The following ZDHHC7 variants were observed in gnomAD, a reference collection of about 807,000 sequenced individuals.
The protein encoded by ZDHHC7 is palmitoyltransferase ZDHHC7.
In ZDHHC7, 12 loss-of-function variants were observed where a neutral mutation model predicts 34.1. That is an observed-to-expected ratio of 0.35 (90% CI 0.23 to 0.57). The LOEUF is 0.57. Ranked by LOEUF, ZDHHC7 falls within the 20% of genes least tolerant of loss-of-function variation. ZDHHC7 has a pLI of 0.84. For missense variants in ZDHHC7, 388 were observed against 402.7 expected, an observed-to-expected ratio of 0.96 and a Z score of 0.31; for synonymous variants, 185 against 155.4, an observed-to-expected ratio of 1.19 and a Z score of -1.42.
chr16:85,019,783 G>A, the ZDHHC7 span, among the ~76,000 whole-genome samples: 1 of 152,186 alleles, frequency 6.6e-6, no homozygotes. Context: ...GAATGAATGA[G>A]TGAACTCACT....
the ZDHHC7 span, among the ~76,000 whole-genome samples, chr16:85,023,284 C>T: frequency 1.3e-5 from 2 of 151,530 alleles, no homozygotes; most frequent in South Asian, 2.1e-4. Flanking sequence ...CTCCTGCCTC[C>T]ACCTCCGGAG....
chr16:84,995,599 C>G (rs1166492873), intron 2 of ZDHHC7, among the ~76,000 whole-genome samples: 1 of 152,132 alleles, frequency 6.6e-6, no homozygotes, highest in Non-Finnish European at 1.5e-5. Context: ...GCACTCTAGC[C>G]TAGGCAACAG....
At position 84,976,794 on chromosome 16, in the gene ZDHHC7, A is replaced by G. The variant is rs137886256; in HGVS notation, c.751-275T>C. On this transcript the variant is annotated intron_variant, in intron 7 of 7. Coordinates refer to ENST00000313732, the MANE Select transcript of ZDHHC7 (RefSeq NM_017740.3). Reference sequence around the variant, plus strand: ...AGTTACTGTGTACAGACATTTACTGAGCGCCACTCCAGGCCTGCAGAGCCA... The same window carrying G: ...AGTTACTGTGTACAGACATTTACTGGGCGCCACTCCAGGCCTGCAGAGCCA... Among the ~76,000 whole-genome samples, 3 of 152,342 alleles carry G rather than the reference A, an allele frequency of 2.0e-5. No homozygotes were observed. The East Asian group carries it at 5.8e-4, about 29-fold the overall frequency.
upstream of ZDHHC7, among the ~76,000 whole-genome samples, chr16:85,014,140 A>T (rs116169748): frequency 9.9e-3 from 1,503 of 152,260 alleles, 25 homozygotes; most frequent in African/African-American, 0.034. Flanking sequence ...CTCACCACAT[A>T]ATTCTTAGTC....
At chr16:84,990,260 G>T in intron 3 of ZDHHC7, 44 bp downstream of exon 3, 1 of 1,595,744 alleles carries the variant, frequency 6.3e-7, no homozygotes, top group Non-Finnish European at 8.6e-7. Context: ...GAGGACACTA[G>T]ACCAGACACA....
In ZDHHC7 at chr16:84,974,578, T is replaced by G. The variant is rs2072269965; in HGVS notation, c.*1765A>C. 6.6e-6 allele frequency: 1 copy of G among 152,654 alleles called. No individual in the cohort carries two copies. Among genetic ancestry groups the G allele is most frequent in the South Asian group, 2.1e-4 (1 of 4,834 alleles). The allele number at this position is 152,654 out of a possible 1,614,324, so 9.5% of individuals were successfully genotyped here. On this transcript the variant is annotated 3_prime_UTR_variant, in exon 8 of 8. Transcript: ENST00000313732. ...GCCAAGTCTCACAGGATTCAACCAC[T>G]TGGATAATTGTTTTATTGATAACAG...
At chr16:85,018,708 C>T in the ZDHHC7 span, among the ~76,000 whole-genome samples, 2 of 152,046 alleles carry the variant, frequency 1.3e-5, no homozygotes, top group Non-Finnish European at 2.9e-5. Context: ...CCTTGGCCTC[C>T]CAAAGTGCTG....
chr16:85,004,010 C>A (rs963732701), intron 1 of ZDHHC7, among the ~76,000 whole-genome samples: 1 of 152,130 alleles, frequency 6.6e-6, no homozygotes, highest in Non-Finnish European at 1.5e-5. Context: ...AATGGGGAAC[C>A]TCAGTTTCAC....
chr16:84,974,535 C>A lies in ZDHHC7; in HGVS notation c.*1808G>T, dbSNP rs1039612088. On this transcript the variant is annotated 3_prime_UTR_variant, in exon 8 of 8. Transcript: ENST00000313732. ...AGAAGAGGTTGAAAAGTCAAGTATACTTGATTTGCACACACTTGCCAAGTC... is the reference window on the plus strand; with the variant it reads ...AGAAGAGGTTGAAAAGTCAAGTATAATTGATTTGCACACACTTGCCAAGTC... 1.3e-5 allele frequency: 2 copies of A among 152,600 alleles called. No homozygotes were observed. Among genetic ancestry groups the A allele is most frequent in the Non-Finnish European group, 2.9e-5 (2 of 68,038 alleles). The allele number at this position is 152,600 out of a possible 1,614,324, so 9.5% of individuals were successfully genotyped here.
chr16:84,988,987 C>T lies in ZDHHC7; in HGVS notation c.315+1317G>A. 7 of 1,093,020 alleles carry T rather than the reference C, an allele frequency of 6.4e-6. No homozygotes were observed. In the South Asian group the frequency reaches 1.0e-4, roughly 16 times the overall value. 67.7% of individuals were successfully genotyped at this position (1,093,020 alleles called of 1,614,324 possible). ...GGCAACAAACAAGGGGTTTCTGCTG[C>T]AGCCAAGGAAGGAGAGGGCGGAGAC... On this transcript the variant is annotated intron_variant, in intron 3 of 7. Transcript: ENST00000313732.
intron 1 of ZDHHC7, 95 bp from the exon 2 acceptor site, chr16:84,996,102 C>T (rs142569338): frequency 2.6e-5 from 4 of 152,282 alleles, no homozygotes; most frequent in South Asian, 2.1e-4. Context: ...TGGAGCGTAA[C>T]ATTTGACGCA....
At chr16:84,978,860 C>A (rs2072331590) in intron 5 of ZDHHC7, among the ~76,000 whole-genome samples, 1 of 119,992 alleles carries the variant, frequency 8.3e-6, no homozygotes, top group Non-Finnish European at 1.7e-5. Context: ...AAAACTCCAT[C>A]TCAAAAAAAA....
At chr16:84,990,869 C>CT (rs1397822862) in intron 2 of ZDHHC7, among the ~76,000 whole-genome samples, 6 of 90,920 alleles carry the variant, frequency 6.6e-5, no homozygotes, top group Non-Finnish European at 8.0e-5. Flanking sequence ...ATATACAAAA[C>CT]CTATCTATGG....
At chr16:84,977,366 ATTGTTCTCCAAG>A in intron 6 of ZDHHC7, 141 bp from the exon 7 acceptor site, 1 of 1,102,870 alleles carries the variant, frequency 9.1e-7, no homozygotes, top group South Asian at 1.6e-5. Flanking sequence ...GGGCACATTC[ATTGTTCTCCAAG>A]GAGCAGAGGA....
At chr16:84,993,877 T>C (rs977782716) in intron 2 of ZDHHC7, among the ~76,000 whole-genome samples, 4 of 152,168 alleles carry the variant, frequency 2.6e-5, no homozygotes, top group African/African-American at 4.8e-5. Flanking sequence ...TTCTCTCTTC[T>C]AGGCAAGCCA....
chr16:85,022,866 A>C, the ZDHHC7 span, among the ~76,000 whole-genome samples: 29 of 152,328 alleles, frequency 1.9e-4, no homozygotes, highest in Admixed American at 1.7e-3. Context: ...ATAAGGGAAC[A>C]ATCAGGAAAA....
At chr16:84,979,410 TCATA>T in intron 4 of ZDHHC7, 125 bp from the exon 5 acceptor site, 1 of 1,314,860 alleles carries the variant, frequency 7.6e-7, no homozygotes, top group Non-Finnish European at 1.0e-6. Context: ...TCAAAAAATA[TCATA>T]CATTCTCACT....
the ZDHHC7 span, among the ~76,000 whole-genome samples, chr16:85,018,179 C>A: frequency 6.6e-6 from 1 of 152,106 alleles, no homozygotes; most frequent in Non-Finnish European, 1.5e-5. Flanking sequence ...AACTACTGCC[C>A]AGAATTTAAT....
At chr16:84,979,674 C>T (rs9935253) in intron 4 of ZDHHC7, among the ~76,000 whole-genome samples, 3,405 of 152,168 alleles carry the variant, frequency 0.022, 127 homozygotes, top group African/African-American at 0.076. Flanking sequence ...TTTGTATCTT[C>T]AAATAATTCC....
Sources: allele counts gnomAD v4.1 joint callset (sites outside exome capture counted in the v4.1 genomes callset), GRCh38; gene constraint gnomAD v4.1.1; transcripts MANE v1.5; gene names NCBI Gene and HGNC (gene_info 2026-07-23, HGNC 2026-07-21).